The following ATP11A variants were observed in gnomAD, a reference collection of about 807,000 sequenced individuals.
ATP11A encodes phospholipid-transporting ATPase IH.
A neutral mutation model predicts 154.4 loss-of-function variants in ATP11A; 81 were observed. The observed-to-expected ratio is 0.52, with a 90% CI of 0.44 to 0.63. The LOEUF (loss-of-function observed/expected upper bound fraction) is 0.63, where lower values mean the gene tolerates loss of function less well. ATP11A is among the 30% of genes least tolerant of loss of function. The probability of loss-of-function intolerance (pLI) is 0.00; values close to 1 mark genes in which losing one functional copy is unlikely to be tolerated. For missense variants in ATP11A, 1,316 were observed against 1,474.3 expected (o/e 0.89, Z 1.76); for synonymous variants, 623 against 585.9 (o/e 1.06, Z -0.91).
In ATP11A at chr13:112,690,864, C is replaced by T. The variant is rs548846420; in HGVS notation, c.39+409C>T. Among the ~76,000 whole-genome samples the T allele has an allele frequency of 1.3e-5, 2 of 152,330 alleles. No homozygotes were observed. The highest frequency in any genetic ancestry group is 2.1e-4 in the South Asian group (1 of 4,828). On this transcript the variant is annotated intron_variant, in intron 1 of 29. Coordinates refer to ENST00000375645, the MANE Select transcript of ATP11A (RefSeq NM_015205.3). The surrounding 1 kb of genome is among the most constrained non-coding windows in gnomAD (Gnocchi z 5.6). ...GGGGAGGAACCTTCAGATGCGGCTT[C>T]CGCGCAGCCGTGTCTGTAAGATTAA...
chr13:112,856,854 AG>A (rs776607460), intron 20 of ATP11A: 8 of 152,238 alleles, frequency 5.3e-5, no homozygotes, highest in South Asian at 2.1e-4. Flanking sequence ...GAAACCAAGG[AG>A]GTGAAAAGTT....
chr13:112,780,561 T>C (rs1363047617), intron 1 of ATP11A, among the ~76,000 whole-genome samples: 1 of 152,212 alleles, frequency 6.6e-6, no homozygotes, highest in Non-Finnish European at 1.5e-5. Flanking sequence ...CACCTTTGTC[T>C]TCCATGAACA....
At chr13:112,802,782 A>G (rs1594746772) in intron 2 of ATP11A, among the ~76,000 whole-genome samples, 2 of 152,230 alleles carry the variant, frequency 1.3e-5, no homozygotes, top group East Asian at 3.8e-4. Context: ...GACTTCGTGA[A>G]GATTAAAAAC....
At chr13:112,862,085 C>T (rs1403278546) in intron 24 of ATP11A, among the ~76,000 whole-genome samples, 2 of 152,348 alleles carry the variant, frequency 1.3e-5, no homozygotes, top group East Asian at 1.9e-4. Context: ...TAAGGCGTCA[C>T]GTCAGGCGTA....
At chr13:112,713,197 C>T (rs936063578) in intron 1 of ATP11A, among the ~76,000 whole-genome samples, 2 of 152,096 alleles carry the variant, frequency 1.3e-5, no homozygotes, top group African/African-American at 4.8e-5. Context: ...GAGTTTGAGA[C>T]CGGCCTGGCC....
chr13:112,711,478 A>C (rs1422705324), intron 1 of ATP11A, among the ~76,000 whole-genome samples: 11 of 151,974 alleles, frequency 7.2e-5, no homozygotes, highest in Non-Finnish European at 7.4e-5. Context: ...TAAAACTCAA[A>C]GGGGAGGAAC....
intron 8 of ATP11A, 119 bp downstream of exon 8, chr13:112,820,069 C>A: frequency 9.9e-7 from 1 of 1,005,442 alleles, no homozygotes. Context: ...AGGTGGAGTT[C>A]CGCTTTCCCA....
rs534283213 is a variant in ATP11A, at chr13:112,855,087, G to A, written c.2243+557G>A. Among the ~76,000 whole-genome samples the A allele has an allele frequency of 5.9e-5, 9 of 152,332 alleles. No homozygotes were observed. In the East Asian group the frequency reaches 1.3e-3, roughly 23 times the overall value. The stretch of plus-strand genomic sequence containing the variant: ...TCAGTTTCATTCATGTACATAAAGC[G>A]AAAGCAGCTCTCTAATTTACACAAA... On this transcript the variant is annotated intron_variant, in intron 19 of 29. Coordinates refer to ENST00000375645, the MANE Select transcript of ATP11A (RefSeq NM_015205.3).
Position 112,718,453 on chromosome 13 carries a change from C to T in ATP11A, c.39+27998C>T, listed in dbSNP as rs149007870. 1.8e-3 allele frequency among the ~76,000 whole-genome samples: 270 copies of T among 152,282 alleles called. 1 individual carries two copies. The East Asian group carries it at 0.019, about 11-fold the overall frequency. ...AGCCTAAGCAAGAAGACAACTGTGC[C>T]GCCTGCCGCAAGTTTCATGTGAAAT... On this transcript the variant is annotated intron_variant, in intron 1 of 29. Coordinates refer to ENST00000375645, the MANE Select transcript of ATP11A (RefSeq NM_015205.3).
Position 112,745,377 on chromosome 13 carries a change from A to G in ATP11A, c.40-39758A>G, listed in dbSNP as rs564135621. On this transcript the variant is annotated intron_variant, in intron 1 of 29. Coordinates refer to ENST00000375645, the MANE Select transcript of ATP11A (RefSeq NM_015205.3). ...ACCGCCCCAGCCCATAATCAGAATT[A>G]GAATGTAGCTATTTAAAATTTTATC... is the stretch of plus-strand genomic sequence containing the variant. The G allele has an allele frequency of 1.1e-4, 17 of 152,396 alleles. No homozygotes were observed. In the South Asian group the frequency reaches 1.4e-3, roughly 13 times the overall value. The allele number at this position is 152,396 out of a possible 1,614,324, so 9.4% of individuals were successfully genotyped here. A position where few individuals can be genotyped will look rare whatever the true frequency, so the allele number is the denominator to read the frequency against.
At chr13:112,821,751 C>T (rs2078802687) in intron 8 of ATP11A, among the ~76,000 whole-genome samples, 2 of 152,218 alleles carry the variant, frequency 1.3e-5, no homozygotes, top group Non-Finnish European at 2.9e-5. Flanking sequence ...TTTCTTCTTC[C>T]TTCTGTCCTA....
chr13:112,823,161 AC>A (rs2078844247), intron 8 of ATP11A, among the ~76,000 whole-genome samples, 183 bp from the exon 9 acceptor site: 1 of 152,218 alleles, frequency 6.6e-6, no homozygotes, highest in South Asian at 2.1e-4. Flanking sequence ...AGATAAGCCC[AC>A]ATCTGTTCAC....
intron 3 of ATP11A, among the ~76,000 whole-genome samples, 179 bp downstream of exon 3, chr13:112,805,225 A>G (rs1168949191): frequency 6.6e-6 from 1 of 152,088 alleles, no homozygotes; most frequent in African/African-American, 2.4e-5. Context: ...AGATCCACAC[A>G]AGCTAAACTA....
chr13:112,758,849 G>T (rs1275032399), intron 1 of ATP11A, among the ~76,000 whole-genome samples: 1 of 152,174 alleles, frequency 6.6e-6, no homozygotes, highest in Non-Finnish European at 1.5e-5. Context: ...GTTCATTACC[G>T]TGGGGTGTGT....
chr13:112,715,465 T>TC (rs1354728226), intron 1 of ATP11A, among the ~76,000 whole-genome samples: 12 of 5,798 alleles, frequency 2.1e-3, no homozygotes, highest in Non-Finnish European at 4.3e-3. Flanking sequence ...ACCTGGCCCA[T>TC]CCCCCACACC....
At chr13:112,871,899 G>A in intron 26 of ATP11A, 99 bp downstream of exon 26, 2 of 1,289,014 alleles carry the variant, frequency 1.6e-6, no homozygotes, top group Non-Finnish European at 2.2e-6. Flanking sequence ...ACTCTGTACT[G>A]AGGCTGGAAG....
intron 18 of ATP11A, among the ~76,000 whole-genome samples, 164 bp downstream of exon 18, chr13:112,851,382 A>G (rs983532102): frequency 6.6e-6 from 1 of 152,216 alleles, no homozygotes; most frequent in Non-Finnish European, 1.5e-5. Context: ...CCCTGGAGTC[A>G]TGTCAGGAAG....
At chr13:112,871,866 C>T (rs567762305) in intron 26 of ATP11A, 66 bp downstream of exon 26, 52 of 1,458,288 alleles carry the variant, frequency 3.6e-5, no homozygotes, top group African/African-American at 4.2e-5. Context: ...AGGCCTCACG[C>T]GCTCTGAGCT....
chr13:112,756,762 G>A (rs945568444), intron 1 of ATP11A, among the ~76,000 whole-genome samples: 2 of 152,182 alleles, frequency 1.3e-5, no homozygotes, highest in South Asian at 2.1e-4. Flanking sequence ...GGTGTCTGAC[G>A]ATTTCCACAG....
Sources: gnomAD v4.1 joint callset for allele counts (sites outside exome capture counted in the v4.1 genomes callset) on GRCh38, gnomAD v4.1.1 for gene constraint, Gnocchi (gnomAD v3.1) non-coding constraint, MANE v1.5 for transcripts, NCBI Gene and HGNC (gene_info 2026-07-23, HGNC 2026-07-21) for gene names.